GREM2: variants seen among roughly 807,000 people sequenced by gnomAD.
The protein encoded by GREM2 is gremlin 2, DAN family BMP antagonist, also known as gremlin-2.
Under a neutral mutation model 14.2 loss-of-function variants are expected in GREM2, and 11 were observed. The observed-to-expected ratio is 0.78, with a 90% CI of 0.49 to 1.28. GREM2 has a LOEUF of 1.28. Ranked by LOEUF, GREM2 falls within the 50% of genes most tolerant of loss-of-function variation. GREM2 has a pLI of 0.00. For missense variants in GREM2, 210 were observed against 218.5 expected (o/e 0.96, Z 0.24); for synonymous variants, 98 against 97.6 (o/e 1.00, Z -0.02).
At chr1:240,526,526 C>T (rs554825959) in intron 1 of GREM2, among the ~76,000 whole-genome samples, 2 of 152,132 alleles carry the variant, frequency 1.3e-5, no homozygotes, top group African/African-American at 4.8e-5. Context: ...CTGCTAGCCT[C>T]GGTGCCACGG....
chr1:240,582,301 G>A (rs1370284642), intron 1 of GREM2, among the ~76,000 whole-genome samples: 1 of 152,044 alleles, frequency 6.6e-6, no homozygotes, highest in Non-Finnish European at 1.5e-5. Context: ...CTGAGGTGGT[G>A]GCACATGCCT....
intron 1 of GREM2, among the ~76,000 whole-genome samples, chr1:240,536,962 C>G (rs944888896): frequency 6.6e-6 from 1 of 152,112 alleles, no homozygotes; most frequent in Non-Finnish European, 1.5e-5. Flanking sequence ...TAAATTCTGA[C>G]CAAAGTGAGA....
chr1:240,504,263 CCT>C (rs1386439475), intron 1 of GREM2, among the ~76,000 whole-genome samples: 1 of 152,098 alleles, frequency 6.6e-6, no homozygotes, highest in Admixed American at 6.5e-5. Context: ...GTGTTCCACC[CCT>C]CTTTGCTCCT....
chr1:240,587,807 GA>G (rs1467158785), intron 1 of GREM2, among the ~76,000 whole-genome samples: 8 of 152,162 alleles, frequency 5.3e-5, no homozygotes, highest in African/African-American at 1.9e-4. Context: ...TATTGTGAAA[GA>G]ACACCCTACC....
chr1:240,601,673 G>A (rs760719942), intron 1 of GREM2, among the ~76,000 whole-genome samples: 19 of 152,132 alleles, frequency 1.2e-4, no homozygotes, highest in Non-Finnish European at 7.3e-5. Flanking sequence ...TTGAGAGGCC[G>A]AGGCGGGCAT....
chr1:240,493,620 A>C (rs1677325036), intron 1 of GREM2, 144 bp from the exon 2 acceptor site: 18 of 950,806 alleles, frequency 1.9e-5, no homozygotes, highest in Non-Finnish European at 2.6e-5. Context: ...CTGCAGGCTC[A>C]AACTCTGGGA....
chr1:240,502,019 C>A (rs1172790132), intron 1 of GREM2, among the ~76,000 whole-genome samples: 1 of 152,034 alleles, frequency 6.6e-6, no homozygotes, highest in Non-Finnish European at 1.5e-5. Flanking sequence ...GCCCGAAACA[C>A]CAATCATGCT....
chr1:240,571,902 G>A (rs1333483653), intron 1 of GREM2, among the ~76,000 whole-genome samples: 7 of 151,978 alleles, frequency 4.6e-5, no homozygotes, highest in Non-Finnish European at 8.8e-5. Context: ...GAAGCCAAAC[G>A]CCAGAGCTGG....
At chr1:240,610,440 C>T (rs568595529) in intron 1 of GREM2, among the ~76,000 whole-genome samples, 10 of 152,200 alleles carry the variant, frequency 6.6e-5, no homozygotes, top group Non-Finnish European at 1.5e-4. Context: ...GTTTTCCTGA[C>T]TCTATGGTAG....
intron 1 of GREM2, among the ~76,000 whole-genome samples, chr1:240,555,032 C>A (rs564380399): frequency 6.6e-6 from 1 of 152,188 alleles, no homozygotes; most frequent in African/African-American, 2.4e-5. Flanking sequence ...GTAATCCCAG[C>A]TACTCAGGAG....
At chr1:240,565,680 C>A (rs1420056292) in intron 1 of GREM2, among the ~76,000 whole-genome samples, 2 of 151,560 alleles carry the variant, frequency 1.3e-5, no homozygotes, top group African/African-American at 4.9e-5. Flanking sequence ...CCCATCTCTA[C>A]CAAAAAATAC....
At chr1:240,598,633 A>AGT (rs1329134680) in intron 1 of GREM2, among the ~76,000 whole-genome samples, 3 of 152,098 alleles carry the variant, frequency 2.0e-5, no homozygotes. Flanking sequence ...TGGTATTAGG[A>AGT]GTTAGTTTTT....
At chr1:240,499,380 C>T (rs1297545581) in intron 1 of GREM2, among the ~76,000 whole-genome samples, 1 of 152,134 alleles carries the variant, frequency 6.6e-6, no homozygotes, top group Non-Finnish European at 1.5e-5. Flanking sequence ...TTATGGCATT[C>T]TTGGAAAGTT....
chr1:240,581,198 CA>C (rs1679476598), intron 1 of GREM2, among the ~76,000 whole-genome samples: 1 of 147,500 alleles, frequency 6.8e-6, no homozygotes, highest in Non-Finnish European at 1.5e-5. Flanking sequence ...TGCAGTGAGC[CA>C]AGATTGTGCC....
At position 240,543,481 on chromosome 1, in the gene GREM2, C is replaced by T. The variant is rs568214644; in HGVS notation, c.-1-50005G>A. On this transcript the variant is annotated intron_variant, in intron 1 of 1. Coordinates refer to ENST00000318160, the MANE Select transcript of GREM2 (RefSeq NM_022469.4). This position sits in a 1 kb window ranked among gnomAD's most constrained non-coding sequence, Gnocchi z 6.4. ...CAGATCTGGTGAGACTTATTCACTA[C>T]CATGATAACAGTAGGGGGGAAACCG... is the stretch of plus-strand genomic sequence containing the variant. Among the ~76,000 whole-genome samples the T allele has an allele frequency of 1.2e-4, 18 of 152,106 alleles. No individual in the cohort carries two copies. Among genetic ancestry groups the T allele is most frequent in the Non-Finnish European group, 1.5e-4 (10 of 68,028 alleles).
chr1:240,509,345 G>A (rs1011993335), intron 1 of GREM2, among the ~76,000 whole-genome samples: 6 of 148,936 alleles, frequency 4.0e-5, no homozygotes, highest in Non-Finnish European at 7.4e-5. Flanking sequence ...GCTTGCCCAG[G>A]AGCCAGCTCA....
At chr1:240,600,703 C>T (rs766196119) in intron 1 of GREM2, among the ~76,000 whole-genome samples, 3 of 152,084 alleles carry the variant, frequency 2.0e-5, no homozygotes, top group Non-Finnish European at 2.9e-5. Context: ...AGTCTGGTCT[C>T]GAACTCCTGA....
chr1:240,556,902 G>T (rs1678960276), intron 1 of GREM2, among the ~76,000 whole-genome samples: 1 of 152,134 alleles, frequency 6.6e-6, no homozygotes, highest in South Asian at 2.1e-4. Flanking sequence ...TGGGCGTGGT[G>T]GCTCAGGCTG....
rs536215583 is a variant in GREM2 at position 240,568,719 on chromosome 1, C to T, written c.-2+43165G>A. ...GAAAGAAAGCTAGATGAAGAATTAA[C>T]ACATTGTCTGTATTCTCAAATGAAC... On this transcript the variant is annotated intron_variant, in intron 1 of 1. Transcript: ENST00000318160. Among the ~76,000 whole-genome samples the T allele has an allele frequency of 9.2e-5, 14 of 152,242 alleles. No homozygotes were observed. In the South Asian group the frequency reaches 2.3e-3, roughly 25 times the overall value.
Sources: allele counts gnomAD v4.1 joint callset (sites outside exome capture counted in the v4.1 genomes callset), GRCh38; gene constraint gnomAD v4.1.1; non-coding constraint Gnocchi (gnomAD v3.1); transcripts MANE v1.5; gene names NCBI Gene and HGNC (gene_info 2026-07-23, HGNC 2026-07-21).